The following FAM47E variants were observed in gnomAD, a reference collection of about 807,000 sequenced individuals.
The protein encoded by FAM47E is family with sequence similarity 47 member E, also known as protein FAM47E.
FAM47E carries 32 observed loss-of-function variants against 41.6 expected under a neutral mutation model. The observed-to-expected ratio is 0.77, with a 90% confidence interval of 0.58 to 1.03. The LOEUF is 1.03. Among genes scored for constraint, FAM47E ranks in the 50% least tolerant of loss-of-function variants. The pLI is 0.00. For missense variants in FAM47E, 424 were observed against 485.4 expected, an observed-to-expected ratio of 0.87 and a Z score of 1.19; for synonymous variants, 184 against 188.7, an observed-to-expected ratio of 0.98 and a Z score of 0.20.
intron 4 of FAM47E, among the ~76,000 whole-genome samples, chr4:76,271,342 T>G (rs1370572845): frequency 1.3e-5 from 2 of 152,214 alleles, no homozygotes; most frequent in Non-Finnish European, 2.9e-5. Context: ...TGAATTTCCC[T>G]CGGGCTCATG....
intron 6 of FAM47E, chr4:76,279,510 C>T (rs1735261772): frequency 6.6e-6 from 1 of 152,126 alleles, no homozygotes; most frequent in African/African-American, 2.4e-5. Flanking sequence ...TGATATAACT[C>T]GTATAGTAAA....
chr4:76,277,569 T>A (rs1370950651), intron 5 of FAM47E, among the ~76,000 whole-genome samples: 1 of 152,004 alleles, frequency 6.6e-6, no homozygotes, highest in Non-Finnish European at 1.5e-5. Flanking sequence ...TATTGTAGCA[T>A]GTGCAAGGCT....
rs80205017 is a variant in FAM47E at position 76,219,105 on chromosome 4, C to T, written c.81+1417C>T. 9.0e-3 allele frequency among the ~76,000 whole-genome samples: 1,367 copies of T among 152,234 alleles called. 23 individuals carry two copies. The highest frequency in any genetic ancestry group is 0.031 in the African/African-American group (1,273 of 41,520). ...ACCCCTTAGCCACTGCTTGGGACTT[C>T]TGGCCTCATGCTTATTAAGAGTAAA... On this transcript the variant is annotated intron_variant, in intron 2 of 7. Transcript: ENST00000510197.
At chr4:76,268,373 C>G (rs1480165212) in intron 3 of FAM47E, 2 of 273,766 alleles carry the variant, frequency 7.3e-6, no homozygotes, top group Non-Finnish European at 1.4e-5. Flanking sequence ...TGGGCTTTTA[C>G]CCAGTACATG....
In FAM47E at chr4:76,271,637, C is replaced by A. The variant is rs375151279; in HGVS notation, c.739C>A (p.His247Asn). The change falls in exon 5 of 8, where the codon CAT (histidine) becomes AAT (asparagine). Residue 247 changes from histidine to asparagine, a missense_variant. His to Asn is a moderately conservative substitution (Grantham distance 68). Transcript: ENST00000424749. ...CATTGACTATGAGACCAAACCAAGC[C>A]ATGATGCGCTCCACACGATGAAGCT... ...FDIDYETKPSHDALHTMKLNQ... is the reference protein window; with the variant it reads ...FDIDYETKPSNDALHTMKLNQ... 1.3e-5 allele frequency: 20 copies of A among 1,552,192 alleles called. No individual in the cohort carries two copies. Among genetic ancestry groups the A allele is most frequent in the Admixed American group, 5.9e-5 (3 of 51,010 alleles).
intron 2 of FAM47E, among the ~76,000 whole-genome samples, chr4:76,235,194 T>C (rs1218516963): frequency 5.9e-5 from 9 of 152,076 alleles, no homozygotes. Context: ...GGCGGGCTTC[T>C]GTAGTCCCAG....
At chr4:76,245,245 G>C (rs1419329527) in intron 2 of FAM47E, among the ~76,000 whole-genome samples, 1 of 152,160 alleles carries the variant, frequency 6.6e-6, no homozygotes, top group African/African-American at 2.4e-5. Flanking sequence ...GCCACTCTAA[G>C]TGTGTAAAAC....
intron 2 of FAM47E, among the ~76,000 whole-genome samples, chr4:76,229,956 T>C (rs115105683): frequency 0.059 from 8,933 of 152,176 alleles, 282 homozygotes; most frequent in Middle Eastern, 0.088. Flanking sequence ...TGTCCTGAGG[T>C]GGATGATCTC....
Position 76,268,796 on chromosome 4 carries a change from A to G in FAM47E, c.669+28A>G, listed in dbSNP as rs753561903. On this transcript the variant is annotated intron_variant, in intron 4 of 7. Coordinates refer to ENST00000424749, the MANE Select transcript of FAM47E (RefSeq NM_001136570.3). ...ATGCAAAGCAGTTAGTGACTTCTGC[A>G]AGTGGGTTACTACTTTTGTAAGTTA... 3.4e-5 allele frequency: 52 copies of G among 1,550,508 alleles called. 2 individuals carry two copies. In the South Asian group the frequency reaches 3.5e-4, roughly 10 times the overall value.
chr4:76,260,253 C>T (rs184498105), intron 2 of FAM47E, among the ~76,000 whole-genome samples: 5 of 152,080 alleles, frequency 3.3e-5, no homozygotes, highest in East Asian at 1.9e-4. Context: ...TCTGATTAGC[C>T]GAAGTAATCC....
upstream of FAM47E, among the ~76,000 whole-genome samples, chr4:76,249,851 TTGCTACTAA>T (rs1164078302): frequency 1.3e-5 from 2 of 152,148 alleles, no homozygotes; most frequent in Non-Finnish European, 2.9e-5. Context: ...TCCATCCAAG[TTGCTACTAA>T]TGCCATTATT....
intron 2 of FAM47E, among the ~76,000 whole-genome samples, chr4:76,237,282 A>G (rs1190984437): frequency 6.6e-6 from 1 of 151,084 alleles, no homozygotes; most frequent in Non-Finnish European, 1.5e-5. Context: ...ACTTCCCATC[A>G]TGCCTCAGGT....
Position 76,271,712 on chromosome 4 carries a change from CAGG to C in FAM47E, c.817_819del (p.Glu273del), listed in dbSNP as rs1468745535. The C allele has an allele frequency of 3.9e-6, 6 of 1,551,750 alleles. No individual in the cohort carries two copies. Among genetic ancestry groups the C allele is most frequent in the Non-Finnish European group, 5.2e-6 (6 of 1,146,998 alleles). On this transcript the variant is annotated inframe_deletion, in exon 5 of 8. Transcript: ENST00000424749. ...GCGTAGTGTGGGGCTCAGTAAACTG[CAGG>C]AGACAGAGTTCTTCCAGAAACTAGG...
intron 2 of FAM47E, 139 bp from the exon 3 acceptor site, chr4:76,263,565 C>A: frequency 2.0e-6 from 2 of 989,348 alleles, no homozygotes; most frequent in Non-Finnish European, 2.9e-6. Context: ...CAGCATAATA[C>A]TTGGCACAGA....
chr4:76,267,956 A>C (rs1189645303), intron 3 of FAM47E: 1 of 152,198 alleles, frequency 6.6e-6, no homozygotes, highest in African/African-American at 2.4e-5. Context: ...GTTCTGGAAT[A>C]AGATAGTGGT....
chr4:76,283,433 C>T lies in FAM47E; in HGVS notation c.1157C>T (p.Thr386Ile). The T allele has an allele frequency of 6.5e-7, 1 of 1,546,274 alleles. No individual in the cohort carries two copies. The highest frequency in any genetic ancestry group is 8.8e-7 in the Non-Finnish European group (1 of 1,142,302). Residue 386 changes from threonine to isoleucine, a missense_variant, in exon 8 of 8, where the codon ACT becomes ATT. Coordinates refer to ENST00000424749, the MANE Select transcript of FAM47E (RefSeq NM_001136570.3). ...GKECKRACNK[T>I]PIKRTQA ...GAATGTAAACGTGCATGTAATAAGA[C>T]TCCTATAAAACGAACTCAAGCATAG...
chr4:76,282,801 T>G (rs945166842), intron 7 of FAM47E: 3 of 152,144 alleles, frequency 2.0e-5, no homozygotes, highest in African/African-American at 7.2e-5. Flanking sequence ...ATTTTATCAA[T>G]AAGATTTCAA....
intron 3 of FAM47E, 112 bp from the exon 4 acceptor site, chr4:76,268,548 G>A: frequency 9.2e-7 from 1 of 1,091,568 alleles, no homozygotes; most frequent in Non-Finnish European, 1.3e-6. Flanking sequence ...GAGCTTGCAA[G>A]AGACTGTTAG....
chr4:76,223,444 A>G (rs1733343508), intron 2 of FAM47E, among the ~76,000 whole-genome samples: 1 of 152,214 alleles, frequency 6.6e-6, no homozygotes. Context: ...CTGTGAGAAG[A>G]CAGCAGAATC....
Sources: allele counts gnomAD v4.1 joint callset (sites outside exome capture counted in the v4.1 genomes callset), GRCh38; gene constraint gnomAD v4.1.1; transcripts MANE v1.5; gene names NCBI Gene and HGNC (gene_info 2026-07-23, HGNC 2026-07-21).